Variants in ECE1 observed in about 807,000 individuals in gnomAD.
ECE1 encodes the protein endothelin-converting enzyme 1.
Under a neutral mutation model 98.6 loss-of-function variants are expected in ECE1, and 35 were observed. That is an observed-to-expected ratio of 0.35 (90% CI 0.27 to 0.47). ECE1 has a LOEUF of 0.47. ECE1 is among the 20% of genes least tolerant of loss of function. ECE1 has a pLI of 1.00. For missense variants in ECE1, 814 were observed against 1,025.3 expected, an observed-to-expected ratio of 0.79 and a Z score of 2.81; for synonymous variants, 394 against 407.1, an observed-to-expected ratio of 0.97 and a Z score of 0.39.
chr1:21,324,298 G>A (rs1639029139), intron 1 of ECE1, among the ~76,000 whole-genome samples: 1 of 152,158 alleles, frequency 6.6e-6, no homozygotes, highest in Non-Finnish European at 1.5e-5. Flanking sequence ...CACCACACCC[G>A]GGCTCATATA....
intron 1 of ECE1, among the ~76,000 whole-genome samples, chr1:21,320,586 C>T (rs940647796): frequency 1.3e-5 from 2 of 152,152 alleles, no homozygotes; most frequent in Admixed American, 1.3e-4. Context: ...ATATGGTATG[C>T]CATCATCCTT....
intron 4 of ECE1, among the ~76,000 whole-genome samples, chr1:21,262,680 T>TC (rs2098228571): frequency 3.9e-5 from 6 of 152,276 alleles, no homozygotes; most frequent in Middle Eastern, 6.8e-3. Flanking sequence ...CACAGCGAGT[T>TC]CCGAGGCCCT....
chr1:21,293,881 G>A (rs1638274465), upstream of ECE1: 1 of 152,612 alleles, frequency 6.6e-6, no homozygotes, highest in Non-Finnish European at 1.5e-5. Context: ...GAGGGGCCTA[G>A]ACAGACCAAA....
chr1:21,288,795 T>C (rs1038872237), intron 2 of ECE1, among the ~76,000 whole-genome samples: 3 of 152,212 alleles, frequency 2.0e-5, no homozygotes, highest in African/African-American at 7.2e-5. Context: ...GTTTGACGTG[T>C]CGCTCTCGGA....
upstream of ECE1, among the ~76,000 whole-genome samples, chr1:21,291,678 T>A (rs2098266736): frequency 6.6e-6 from 1 of 151,898 alleles, no homozygotes; most frequent in African/African-American, 2.4e-5. Context: ...ATACAAAAAA[T>A]CAGCTGGGCC....
rs192240035 is a variant in ECE1 at position 21,235,058 on chromosome 1, T to C, written c.1566+792A>G. On this transcript the variant is annotated intron_variant, in intron 13 of 18. Coordinates refer to ENST00000374893, the MANE Select transcript of ECE1 (RefSeq NM_001397.3). This position sits in a 1 kb window ranked among gnomAD's most constrained non-coding sequence, Gnocchi z 4.2. Reference sequence around the variant, plus strand: ...AATTCAGGCTGGGCATGGTGGCTCATGAATATGAGCCAGCCTGGGAGGCGG... The same window carrying C: ...AATTCAGGCTGGGCATGGTGGCTCACGAATATGAGCCAGCCTGGGAGGCGG... Among the ~76,000 whole-genome samples the C allele has an allele frequency of 6.4e-4, 98 of 152,216 alleles. No individual in the cohort carries two copies. The highest frequency in any genetic ancestry group is 2.2e-3 in the African/African-American group (91 of 41,544).
intron 11 of ECE1, among the ~76,000 whole-genome samples, chr1:21,237,735 C>A (rs2098190189): frequency 6.6e-6 from 1 of 152,174 alleles, no homozygotes; most frequent in African/African-American, 2.4e-5. Flanking sequence ...GGGCTGTCTC[C>A]AAGGCGCTCT....
Position 21,233,365 on chromosome 1 carries a change from T to G in ECE1, c.1670+193A>C. 2 of 557,800 alleles carry G rather than the reference T, an allele frequency of 3.6e-6. No homozygotes were observed. Among genetic ancestry groups the G allele is most frequent in the South Asian group, 4.1e-5 (2 of 49,332 alleles). The allele number at this position is 557,800 out of a possible 1,614,324, so 34.6% of individuals were successfully genotyped here. On this transcript the variant is annotated intron_variant, in intron 14 of 18. Transcript: ENST00000374893. The surrounding 1 kb of genome is among the most constrained non-coding windows in gnomAD (Gnocchi z 4.0). Reference sequence around the variant, plus strand: ...GCAGGCTCAAGCCCATCCCAGCTCCTAGCTGGGCCATACTTCTTTTGCCCT... The same window carrying G: ...GCAGGCTCAAGCCCATCCCAGCTCCGAGCTGGGCCATACTTCTTTTGCCCT...
chr1:21,315,831 A>G (rs1246179357), intron 1 of ECE1, among the ~76,000 whole-genome samples: 2 of 147,812 alleles, frequency 1.4e-5, no homozygotes, highest in East Asian at 4.0e-4. Flanking sequence ...TATTTTCCCC[A>G]TATTCTAGGA....
At chr1:21,330,101 T>G (rs1244786047) in intron 1 of ECE1, among the ~76,000 whole-genome samples, 1 of 151,408 alleles carries the variant, frequency 6.6e-6, no homozygotes, top group East Asian at 1.9e-4. Flanking sequence ...TACTGGGCCT[T>G]TAAAGGCTCC....
chr1:21,339,314 G>A (rs1373182384), intron 1 of ECE1, among the ~76,000 whole-genome samples: 2 of 152,324 alleles, frequency 1.3e-5, no homozygotes, highest in East Asian at 3.9e-4. Flanking sequence ...CAGCCCCAGT[G>A]AGCTCTCAAC....
At chr1:21,329,733 C>T (rs1437826388) in intron 1 of ECE1, among the ~76,000 whole-genome samples, 2 of 152,216 alleles carry the variant, frequency 1.3e-5, no homozygotes, top group East Asian at 3.8e-4. Flanking sequence ...GTGTACCCTT[C>T]TCAGCACACC....
At chr1:21,297,789 C>T (rs1289019164) in intron 1 of ECE1, among the ~76,000 whole-genome samples, 1 of 148,702 alleles carries the variant, frequency 6.7e-6, no homozygotes, top group African/African-American at 2.5e-5. Context: ...CACCCACCTC[C>T]GCCTCCCAAA....
At chr1:21,232,674 T>TG (rs2098183263) in intron 14 of ECE1, among the ~76,000 whole-genome samples, 1 of 120,256 alleles carries the variant, frequency 8.3e-6, no homozygotes, top group African/African-American at 4.9e-5. Context: ...GGAAGCTGTA[T>TG]TTTTTTTTTT....
intron 10 of ECE1, among the ~76,000 whole-genome samples, chr1:21,240,756 C>T (rs1035045052): frequency 4.6e-5 from 7 of 152,168 alleles, no homozygotes; most frequent in African/African-American, 9.7e-5. Flanking sequence ...TGGCCGAGGC[C>T]GACCACACAG....
At position 21,260,438 on chromosome 1, in the gene ECE1, A is replaced by C; in HGVS notation, c.494-46T>G. ...GTTTGCAATGCGGCCCCACTTGCCC[A>C]CTGGGTGGCTTTGGGGCAGTCCCTC... On this transcript the variant is annotated intron_variant, in intron 4 of 18. Transcript: ENST00000374893. This position sits in a 1 kb window ranked among gnomAD's most constrained non-coding sequence, Gnocchi z 4.3. 6.2e-7 allele frequency: 1 copy of C among 1,612,812 alleles called. No homozygotes were observed. The highest frequency in any genetic ancestry group is 8.5e-7 in the Non-Finnish European group (1 of 1,179,030).
intron 14 of ECE1, among the ~76,000 whole-genome samples, chr1:21,231,596 C>G (rs1238400425): frequency 6.6e-6 from 1 of 152,176 alleles, no homozygotes; most frequent in African/African-American, 2.4e-5. Flanking sequence ...CCCGCCTTGG[C>G]CTCCCAAAGT....
intron 14 of ECE1, among the ~76,000 whole-genome samples, chr1:21,229,077 G>A (rs941101150): frequency 6.6e-6 from 1 of 151,918 alleles, no homozygotes; most frequent in Admixed American, 6.6e-5. Context: ...TCCTGACCTC[G>A]TGATCCGCCT....
At chr1:21,304,811 T>G (rs1289042683) in intron 1 of ECE1, among the ~76,000 whole-genome samples, 1 of 151,662 alleles carries the variant, frequency 6.6e-6, no homozygotes, top group African/African-American at 2.4e-5. Flanking sequence ...TACACCTTAT[T>G]AAGAAAAAAA....
Sources: gnomAD v4.1 joint callset for allele counts (sites outside exome capture counted in the v4.1 genomes callset) on GRCh38, gnomAD v4.1.1 for gene constraint, Gnocchi (gnomAD v3.1) non-coding constraint, MANE v1.5 for transcripts, NCBI Gene and HGNC (gene_info 2026-07-23, HGNC 2026-07-21) for gene names.